The following PPEF1 variants were observed in gnomAD, a reference collection of about 807,000 sequenced individuals.
The protein encoded by PPEF1 is protein phosphatase with EF-hand domain 1, also known as serine/threonine-protein phosphatase with EF-hands 1.
PPEF1 carries 12 observed loss-of-function variants against 53.3 expected under a neutral mutation model. The ratio of observed to expected loss-of-function variants is 0.23; its 90% CI spans 0.14 to 0.36. The LOEUF is 0.36. Among genes scored for constraint, PPEF1 ranks in the 10% least tolerant of loss-of-function variants. PPEF1 has a pLI of 1.00. For missense variants in PPEF1, 334 were observed against 490.4 expected (o/e 0.68, Z 3.01); for synonymous variants, 165 against 176.7 (o/e 0.93, Z 0.52).
chrX:18,680,429 CTTTT>C (rs769412688), upstream of PPEF1, among the ~76,000 whole-genome samples: 11 of 78,672 alleles, frequency 1.4e-4, no homozygotes, highest in Admixed American at 1.7e-3. Context: ...AATTTCTTCT[CTTTT>C]TTTTTTTTTT....
chrX:18,705,557 G>A (rs191520718), upstream of PPEF1, among the ~76,000 whole-genome samples: 1 of 111,027 alleles, frequency 9.0e-6, no homozygotes, highest in Non-Finnish European at 1.9e-5. Flanking sequence ...CTACAAAAAA[G>A]TACAAAAATT....
intron 1 of PPEF1, among the ~76,000 whole-genome samples, chrX:18,709,365 C>T (rs992605443): frequency 1.8e-5 from 2 of 112,226 alleles, no homozygotes; most frequent in East Asian, 5.5e-4. Context: ...TTGTGTCTGG[C>T]TTTGTCCATG....
chrX:18,726,462 G>A (rs2044710195), intron 1 of PPEF1, among the ~76,000 whole-genome samples: 1 of 111,280 alleles, frequency 9.0e-6, no homozygotes, highest in African/African-American at 3.3e-5. Flanking sequence ...ACTGACTGGA[G>A]TGGAAAGAGC....
chrX:18,758,041 A>G (rs1235263993), intron 5 of PPEF1, among the ~76,000 whole-genome samples: 1 of 110,972 alleles, frequency 9.0e-6, no homozygotes, highest in Non-Finnish European at 1.9e-5. Flanking sequence ...AGCTCTCATT[A>G]TCTTTGTTCC....
intron 10 of PPEF1, among the ~76,000 whole-genome samples, chrX:18,801,506 G>A (rs953806256): frequency 1.8e-5 from 2 of 111,727 alleles, no homozygotes; most frequent in African/African-American, 6.5e-5. Flanking sequence ...AGAAACATGT[G>A]GAAAATATAG....
intron 3 of PPEF1, among the ~76,000 whole-genome samples, chrX:18,741,772 C>CTTTTT (rs58971135): frequency 1.5e-5 from 1 of 66,337 alleles, no homozygotes; most frequent in African/African-American, 5.9e-5. Context: ...GCTGCTGCTT[C>CTTTTT]TTTTTTTTTT....
At chrX:18,704,535 A>G (rs187054519), upstream of PPEF1, among the ~76,000 whole-genome samples, 36 of 110,822 alleles carry the variant, frequency 3.2e-4, 1 homozygote, top group East Asian at 8.3e-3. Context: ...ATGAATTCCT[A>G]GATGAACAGT....
intron 7 of PPEF1, among the ~76,000 whole-genome samples, chrX:18,780,384 CAAG>C (rs1049765557): frequency 1.8e-5 from 2 of 112,061 alleles, no homozygotes; most frequent in African/African-American, 6.5e-5. Flanking sequence ...GAGCTCAGGA[CAAG>C]ACTGTTTAGA....
chrX:18,730,445 G>A, intron 2 of PPEF1, 137 bp downstream of exon 2: 1 of 724,498 alleles, frequency 1.4e-6, no homozygotes, highest in Non-Finnish European at 2.0e-6. Flanking sequence ...TCATGACATT[G>A]TCTTGGAACT....
chrX:18,755,989 AT>A (rs1308671633), intron 4 of PPEF1, among the ~76,000 whole-genome samples: 2 of 111,090 alleles, frequency 1.8e-5, no homozygotes, highest in African/African-American at 3.3e-5. Flanking sequence ...GGTTATATTG[AT>A]TTTTGTATGC....
At chrX:18,798,138 G>A (rs1016828514) in intron 10 of PPEF1, among the ~76,000 whole-genome samples, 1 of 110,666 alleles carries the variant, frequency 9.0e-6, no homozygotes, top group Non-Finnish European at 1.9e-5. Flanking sequence ...TGGGAATGCA[G>A]TAGTGCAACT....
At chrX:18,678,154 G>C (rs1200776694), upstream of PPEF1, among the ~76,000 whole-genome samples, 1 of 99,747 alleles carries the variant, frequency 1.0e-5, no homozygotes, top group Non-Finnish European at 2.0e-5. Flanking sequence ...AAAAAAGCCG[G>C]GTGCGATGGC....
chrX:18,788,803 AC>A (rs1224095261), intron 9 of PPEF1, among the ~76,000 whole-genome samples: 1 of 112,338 alleles, frequency 8.9e-6, no homozygotes, highest in African/African-American at 3.2e-5. Flanking sequence ...CGTTGCCCCT[AC>A]CTTGGTATCT....
chrX:18,732,676 C>G (rs1341769598), intron 2 of PPEF1, among the ~76,000 whole-genome samples: 1 of 111,390 alleles, frequency 9.0e-6, no homozygotes, highest in Non-Finnish European at 1.9e-5. Context: ...ATTCCCAACT[C>G]CCAGATCTAC....
At chrX:18,727,696 T>G (rs1463061951) in intron 1 of PPEF1, among the ~76,000 whole-genome samples, 2 of 110,910 alleles carry the variant, frequency 1.8e-5, no homozygotes, top group Admixed American at 1.9e-4. Flanking sequence ...CCAACACCAG[T>G]TGCAAGTTAA....
upstream of PPEF1, among the ~76,000 whole-genome samples, chrX:18,704,399 G>A (rs1284129438): frequency 9.0e-6 from 1 of 111,125 alleles, no homozygotes; most frequent in Non-Finnish European, 1.9e-5. Flanking sequence ...CAAGGCACTG[G>A]ACTTTTGAAT....
At chrX:18,773,465 GTTTTGTATTTT>G (rs1438024958) in intron 6 of PPEF1, among the ~76,000 whole-genome samples, 1 of 110,765 alleles carries the variant, frequency 9.0e-6, no homozygotes, top group Non-Finnish European at 1.9e-5. Context: ...ATATATCTGG[GTTTTGTATTTT>G]AACACAGCCT....
chrX:18,768,132 G>A (rs902117554), intron 6 of PPEF1, among the ~76,000 whole-genome samples: 3 of 111,820 alleles, frequency 2.7e-5, no homozygotes, highest in Non-Finnish European at 5.6e-5. Flanking sequence ...GTTAGTGGCC[G>A]TGCTTTCACT....
intron 10 of PPEF1, among the ~76,000 whole-genome samples, chrX:18,794,259 G>A (rs183132969): frequency 1.8e-5 from 2 of 112,845 alleles, no homozygotes; most frequent in East Asian, 2.8e-4. Flanking sequence ...TCTAGCTGGG[G>A]TACTGTTACT....
Sources: allele counts gnomAD v4.1 joint callset (sites outside exome capture counted in the v4.1 genomes callset), GRCh38; gene constraint gnomAD v4.1.1; transcripts MANE v1.5; gene names NCBI Gene and HGNC (gene_info 2026-07-23, HGNC 2026-07-21).